Variants in C8orf34 observed in about 807,000 individuals in gnomAD.
C8orf34 encodes uncharacterized protein C8orf34.
C8orf34 carries 65 observed loss-of-function variants against 68.3 expected under a neutral mutation model. That is an observed-to-expected ratio of 0.95 (90% CI 0.78 to 1.17). C8orf34 has a LOEUF of 1.17. Ranked by LOEUF, C8orf34 falls within the 50% of genes most tolerant of loss-of-function variation. The pLI, the probability that C8orf34 is intolerant of heterozygous loss-of-function variation, is 0.00. For missense variants in C8orf34, 664 were observed against 655.4 expected (o/e 1.01, Z -0.14); for synonymous variants, 244 against 241.2 (o/e 1.01, Z -0.11).
chr8:68,417,169 G>A (rs1392253091), intron 1 of C8orf34, among the ~76,000 whole-genome samples: 1 of 152,024 alleles, frequency 6.6e-6, no homozygotes. Context: ...TCTAAATAAA[G>A]TTATTTTTAA....
intron 1 of C8orf34, among the ~76,000 whole-genome samples, chr8:68,417,413 G>GATTAA (rs1279506111): frequency 6.6e-6 from 1 of 151,960 alleles, no homozygotes; most frequent in Admixed American, 6.6e-5. Context: ...CAGTCAGACT[G>GATTAA]ATTAAATAAA....
At chr8:68,467,737 T>A (rs1448128774) in intron 3 of C8orf34, among the ~76,000 whole-genome samples, 1 of 151,994 alleles carries the variant, frequency 6.6e-6, no homozygotes, top group African/African-American at 2.4e-5. Flanking sequence ...CTTCAAAGTA[T>A]CCTAATTTGT....
intron 1 of C8orf34, chr8:68,437,788 C>A (rs1810726385): frequency 6.6e-6 from 1 of 151,990 alleles, no homozygotes; most frequent in South Asian, 2.1e-4. Flanking sequence ...TGGTAAAAAT[C>A]CTTTGATCTT....
chr8:68,391,690 G>A (rs1044332601), intron 1 of C8orf34, among the ~76,000 whole-genome samples: 36 of 152,086 alleles, frequency 2.4e-4, no homozygotes, highest in African/African-American at 8.5e-4. Context: ...TAAACCACAA[G>A]GTTTATTTCT....
chr8:68,504,618 C>G (rs1813922563), intron 5 of C8orf34, among the ~76,000 whole-genome samples: 1 of 152,032 alleles, frequency 6.6e-6, no homozygotes, highest in South Asian at 2.1e-4. Context: ...CTTCTGGGTT[C>G]CAGCGATTCT....
chr8:68,679,836 A>G (rs142866067), intron 8 of C8orf34, among the ~76,000 whole-genome samples: 4 of 152,298 alleles, frequency 2.6e-5, no homozygotes, highest in African/African-American at 9.6e-5. Context: ...GGGAAAGAAC[A>G]ATCTTTTCAA....
chr8:68,448,434 TAAAAC>T (rs1563447491), intron 3 of C8orf34, among the ~76,000 whole-genome samples: 3 of 152,160 alleles, frequency 2.0e-5, no homozygotes, highest in Admixed American at 1.3e-4. Context: ...AAATACTTGT[TAAAAC>T]AAATTATTTC....
intron 3 of C8orf34, among the ~76,000 whole-genome samples, chr8:68,452,532 C>A (rs1288120406): frequency 1.3e-5 from 2 of 151,098 alleles, no homozygotes; most frequent in African/African-American, 4.9e-5. Flanking sequence ...TTTTGAGCAT[C>A]TTTTCAAGTG....
At chr8:68,730,304 A>C (rs1029624225) in intron 10 of C8orf34, among the ~76,000 whole-genome samples, 1 of 152,160 alleles carries the variant, frequency 6.6e-6, no homozygotes, top group Admixed American at 6.6e-5. Context: ...TATTTTGCTC[A>C]GTCCTAAAGG....
intron 5 of C8orf34, among the ~76,000 whole-genome samples, chr8:68,517,769 T>C (rs1210835858): frequency 2.6e-5 from 4 of 152,344 alleles, no homozygotes; most frequent in East Asian, 3.9e-4. Flanking sequence ...GTTGTTCCAG[T>C]GGTCAATTTC....
At chr8:68,561,258 C>T (rs1050185027) in intron 7 of C8orf34, among the ~76,000 whole-genome samples, 7 of 152,072 alleles carry the variant, frequency 4.6e-5, no homozygotes, top group Non-Finnish European at 7.4e-5. Context: ...GCTAGGATTA[C>T]AGGCATGAGC....
chr8:68,816,138 C>CTCTG (rs1554617710), intron 13 of C8orf34, among the ~76,000 whole-genome samples, 193 bp downstream of exon 13: 14 of 146,758 alleles, frequency 9.5e-5, no homozygotes, highest in Non-Finnish European at 9.0e-5. Context: ...GTGTGTTTCT[C>CTCTG]TGTGTGTGTG....
intron 7 of C8orf34, among the ~76,000 whole-genome samples, chr8:68,630,647 T>C (rs1426292914): frequency 6.6e-6 from 1 of 152,176 alleles, no homozygotes; most frequent in Non-Finnish European, 1.5e-5. Context: ...ATTTATGTCA[T>C]TGAGGAATAT....
intron 7 of C8orf34, among the ~76,000 whole-genome samples, chr8:68,542,551 A>T (rs927688862): frequency 6.6e-6 from 1 of 152,140 alleles, no homozygotes; most frequent in Non-Finnish European, 1.5e-5. Context: ...TTTTATAGAA[A>T]GTAGTTTAAG....
intron 1 of C8orf34, among the ~76,000 whole-genome samples, chr8:68,389,101 A>G (rs1808375922): frequency 2.0e-5 from 3 of 152,182 alleles, no homozygotes; most frequent in African/African-American, 4.8e-5. Flanking sequence ...GTATTTTTGT[A>G]TGCATTCATT....
chr8:68,468,661 C>A, intron 3 of C8orf34, 31 bp from the exon 4 acceptor site: 1 of 1,605,688 alleles, frequency 6.2e-7, no homozygotes. Context: ...ATGTAGCATG[C>A]TTATGAAATT....
intron 7 of C8orf34, among the ~76,000 whole-genome samples, chr8:68,559,212 A>T (rs933834681): frequency 2.6e-5 from 4 of 152,098 alleles, no homozygotes; most frequent in Non-Finnish European, 5.9e-5. Context: ...CAGGTGGAAG[A>T]TGATGACTAT....
intron 4 of C8orf34, among the ~76,000 whole-genome samples, chr8:68,485,463 C>T (rs546904368): frequency 6.6e-6 from 1 of 151,980 alleles, no homozygotes; most frequent in Admixed American, 6.6e-5. Flanking sequence ...GCTATAATCC[C>T]AGCACTTTGG....
At chr8:68,794,482 A>ATATATATATATAT (rs1824110275) in intron 12 of C8orf34, among the ~76,000 whole-genome samples, 1 of 89,388 alleles carries the variant, frequency 1.1e-5, no homozygotes, top group Non-Finnish European at 1.9e-5. Flanking sequence ...TATAAATATA[A>ATATATATATATAT]ATATATATAT....
Sources: gnomAD v4.1 joint callset for allele counts (sites outside exome capture counted in the v4.1 genomes callset) on GRCh38, gnomAD v4.1.1 for gene constraint, MANE v1.5 for transcripts, NCBI Gene and HGNC (gene_info 2026-07-23, HGNC 2026-07-21) for gene names.